The following ALK variants were observed in gnomAD, a reference collection of about 807,000 sequenced individuals.
ALK encodes the protein ALK receptor tyrosine kinase.
A neutral mutation model predicts 163.1 loss-of-function variants in ALK; 74 were observed. The ratio of observed to expected loss-of-function variants is 0.45; its 90% confidence interval spans 0.38 to 0.55. ALK has a LOEUF of 0.55. ALK is among the 20% of genes least tolerant of loss of function. The pLI is 0.00. For missense variants in ALK, 2,063 were observed against 2,105.3 expected (o/e 0.98, Z 0.39); for synonymous variants, 960 against 843.2 (o/e 1.14, Z -2.40).
chr2:29,463,100 A>G lies in ALK; in HGVS notation c.1154+68815T>C, dbSNP rs139345588. On this transcript the variant is annotated intron_variant, in intron 4 of 28. Coordinates refer to ENST00000389048, the MANE Select transcript of ALK (RefSeq NM_004304.5). ...AAAACCTACACCATAAATCCGACCT[A>G]AGACTAACATGCTAACAATAATAAA... is the stretch of plus-strand genomic sequence containing the variant. Among the ~76,000 whole-genome samples, 480 of 152,320 alleles carry G rather than the reference A, an allele frequency of 3.2e-3. 4 individuals are homozygous for G. Among genetic ancestry groups the G allele is most frequent in the African/African-American group, 0.011 (460 of 41,576 alleles).
intron 1 of ALK, among the ~76,000 whole-genome samples, chr2:29,823,861 TG>T (rs558233662): frequency 6.6e-6 from 1 of 152,328 alleles, no homozygotes; most frequent in South Asian, 2.1e-4. Flanking sequence ...TGTAGAAATT[TG>T]CATAAGTAAT....
chr2:29,537,434 A>G (rs1673289424), intron 3 of ALK, among the ~76,000 whole-genome samples: 1 of 152,214 alleles, frequency 6.6e-6, no homozygotes, highest in Non-Finnish European at 1.5e-5. Context: ...TTTGGATAAC[A>G]TAAGCCATGC....
At chr2:29,251,592 C>T (rs573761457) in intron 11 of ALK, among the ~76,000 whole-genome samples, 8 of 152,328 alleles carry the variant, frequency 5.3e-5, no homozygotes, top group East Asian at 3.9e-4. Context: ...GCCCAGCCAA[C>T]ACTGCGCTAG....
At chr2:29,406,784 C>T (rs565631570) in intron 4 of ALK, among the ~76,000 whole-genome samples, 8 of 151,620 alleles carry the variant, frequency 5.3e-5, no homozygotes, top group South Asian at 4.2e-4. Context: ...CCTGTAATCC[C>T]GCTACTTCGG....
intron 4 of ALK, among the ~76,000 whole-genome samples, chr2:29,467,038 C>T (rs187776584): frequency 6.6e-6 from 1 of 152,242 alleles, no homozygotes; most frequent in Non-Finnish European, 1.5e-5. Context: ...AATAATTTCA[C>T]CCCTCCTCCC....
chr2:29,220,504 T>C (rs952047898), intron 23 of ALK, among the ~76,000 whole-genome samples: 1 of 152,196 alleles, frequency 6.6e-6, no homozygotes, highest in Non-Finnish European at 1.5e-5. Context: ...CACAAGCTCC[T>C]TGGGGCTGGG....
chr2:29,384,526 G>T (rs553328159), intron 4 of ALK, among the ~76,000 whole-genome samples: 1 of 152,166 alleles, frequency 6.6e-6, no homozygotes, highest in African/African-American at 2.4e-5. Context: ...CACTGTCAGA[G>T]AATAGAGAAT....
Position 29,307,360 on chromosome 2 carries a change from C to A in ALK, c.1648-10303G>T, listed in dbSNP as rs77589069. ...TCCAATAGTAGAGACAAAACCAAGGCTAGATGCTGTAGTGTGTATTTCACT... is the reference window on the plus strand; with the variant it reads ...TCCAATAGTAGAGACAAAACCAAGGATAGATGCTGTAGTGTGTATTTCACT... On this transcript the variant is annotated intron_variant, in intron 8 of 28. Transcript: ENST00000389048. 5.9e-3 allele frequency among the ~76,000 whole-genome samples: 897 copies of A among 152,328 alleles called. 8 individuals are homozygous for A. Among genetic ancestry groups the A allele is most frequent in the Non-Finnish European group, 7.7e-3 (522 of 68,024 alleles).
chr2:29,388,361 C>G (rs1669083460), intron 4 of ALK, among the ~76,000 whole-genome samples: 2 of 152,180 alleles, frequency 1.3e-5, no homozygotes, highest in Non-Finnish European at 2.9e-5. Flanking sequence ...CAGTGGGCAT[C>G]ATGTTGACAT....
chr2:29,563,061 G>A (rs973841625), intron 3 of ALK, among the ~76,000 whole-genome samples: 1 of 152,152 alleles, frequency 6.6e-6, no homozygotes, highest in African/African-American at 2.4e-5. Context: ...CAAAGAGGAG[G>A]GGCTATGCTG....
chr2:29,253,671 T>C (rs1428430842), intron 11 of ALK, among the ~76,000 whole-genome samples: 2 of 152,052 alleles, frequency 1.3e-5, no homozygotes, highest in Non-Finnish European at 2.9e-5. Context: ...AAAGAAGTTG[T>C]GAAATCCACT....
At chr2:29,275,257 T>G in intron 10 of ALK, 30 bp from the exon 11 acceptor site, 1 of 1,613,652 alleles carries the variant, frequency 6.2e-7, no homozygotes, top group Non-Finnish European at 8.5e-7. Context: ...ACGGGCTGAG[T>G]TAGGTGAGGG....
At chr2:29,885,949 T>C (rs1666974737) in intron 1 of ALK, among the ~76,000 whole-genome samples, 1 of 152,126 alleles carries the variant, frequency 6.6e-6, no homozygotes, top group African/African-American at 2.4e-5. Flanking sequence ...TTACACCATA[T>C]ATGCCTGCCT....
chr2:29,254,273 T>C (rs1664899661), intron 11 of ALK, among the ~76,000 whole-genome samples: 1 of 151,334 alleles, frequency 6.6e-6, no homozygotes, highest in Non-Finnish European at 1.5e-5. Context: ...AATGGACTAA[T>C]ACATATATGA....
chr2:29,895,316 G>C (rs75273325), intron 1 of ALK, among the ~76,000 whole-genome samples: 1 of 152,202 alleles, frequency 6.6e-6, no homozygotes, highest in Non-Finnish European at 1.5e-5. Flanking sequence ...AGTGCACTGG[G>C]ATTCCATTAG....
intron 14 of ALK, among the ~76,000 whole-genome samples, chr2:29,233,203 C>T (rs562256405): frequency 2.0e-4 from 31 of 152,204 alleles, no homozygotes; most frequent in African/African-American, 7.0e-4. Flanking sequence ...AGTTCAATGG[C>T]GTGATGACAG....
At chr2:29,690,075 A>G (rs1007358568) in intron 3 of ALK, among the ~76,000 whole-genome samples, 2 of 152,206 alleles carry the variant, frequency 1.3e-5, no homozygotes, top group African/African-American at 4.8e-5. Context: ...ATTTGTTAAA[A>G]CAGCCACAGG....
At chr2:29,435,315 G>A (rs1670370952) in intron 4 of ALK, among the ~76,000 whole-genome samples, 1 of 152,084 alleles carries the variant, frequency 6.6e-6, no homozygotes, top group Admixed American at 6.5e-5. Flanking sequence ...TCTCTCAACA[G>A]TCTCCTAGGA....
intron 3 of ALK, among the ~76,000 whole-genome samples, chr2:29,679,671 T>C (rs879914523): frequency 1.5e-4 from 23 of 151,968 alleles, no homozygotes; most frequent in Non-Finnish European, 3.1e-4. Flanking sequence ...AACCCAACAA[T>C]ATAGTTTTAT....
Sources: gnomAD v4.1 joint callset for allele counts (sites outside exome capture counted in the v4.1 genomes callset) on GRCh38, gnomAD v4.1.1 for gene constraint, MANE v1.5 for transcripts, NCBI Gene and HGNC (gene_info 2026-07-23, HGNC 2026-07-21) for gene names.